The following NCMAP variants were observed in gnomAD, a reference collection of about 807,000 sequenced individuals.
NCMAP encodes noncompact myelin-associated protein.
NCMAP carries 8 observed loss-of-function variants against 7.8 expected under a neutral mutation model. That is an observed-to-expected ratio of 1.02 (90% CI 0.60 to 1.84). The LOEUF (loss-of-function observed/expected upper bound fraction) is 1.84. NCMAP is among the 40% of genes most tolerant of loss of function. The pLI is 0.00. For missense variants in NCMAP, 112 were observed against 131.4 expected (o/e 0.85, Z 0.72); for synonymous variants, 41 against 52.9 (o/e 0.78, Z 0.98).
chr1:24,607,130 G>A lies in NCMAP; in HGVS notation c.*1383G>A, dbSNP rs998641843. 1.3e-5 allele frequency: 2 copies of A among 151,938 alleles called. No individual in the cohort carries two copies. Among genetic ancestry groups the A allele is most frequent in the Non-Finnish European group, 2.9e-5 (2 of 68,084 alleles). The allele number at this position is 151,938 out of a possible 1,614,324, so 9.4% of individuals were successfully genotyped here. On this transcript the variant is annotated 3_prime_UTR_variant, in exon 4 of 4. Coordinates refer to ENST00000374392, the MANE Select transcript of NCMAP (RefSeq NM_001010980.5). ...CCTCCTCAGCCTCCAGAGTAGCTGG[G>A]ACTACAGGTATGTGTCACCTCACCA...
At chr1:24,581,185 T>C (rs1331184225) in intron 1 of NCMAP, among the ~76,000 whole-genome samples, 2 of 151,764 alleles carry the variant, frequency 1.3e-5, no homozygotes, top group African/African-American at 2.4e-5. Flanking sequence ...GGTGCTATTT[T>C]GGCTCACTGC....
chr1:24,593,527 A>G (rs1471374531), intron 1 of NCMAP, among the ~76,000 whole-genome samples: 2 of 152,122 alleles, frequency 1.3e-5, no homozygotes, highest in Non-Finnish European at 1.5e-5. Flanking sequence ...TGAAGAAAAC[A>G]TGACTGTAAA....
At chr1:24,557,140 G>T (rs1312938246) in intron 1 of NCMAP, among the ~76,000 whole-genome samples, 2 of 152,126 alleles carry the variant, frequency 1.3e-5, no homozygotes, top group East Asian at 1.9e-4. Context: ...ATGCCTATTT[G>T]GTTCACCCTT....
chr1:24,572,400 C>A (rs570323567), intron 1 of NCMAP, among the ~76,000 whole-genome samples: 5 of 150,904 alleles, frequency 3.3e-5, no homozygotes, highest in African/African-American at 1.2e-4. Flanking sequence ...CCTGCTCTTT[C>A]CCGAGGCAGT....
chr1:24,563,434 A>C (rs1443725081), intron 1 of NCMAP, among the ~76,000 whole-genome samples: 1 of 152,062 alleles, frequency 6.6e-6, no homozygotes, highest in Non-Finnish European at 1.5e-5. Flanking sequence ...AGGCAGGAGA[A>C]TCACTTGAAC....
chr1:24,603,934 T>C (rs997599158), intron 3 of NCMAP, among the ~76,000 whole-genome samples: 36 of 152,252 alleles, frequency 2.4e-4, no homozygotes, highest in African/African-American at 7.2e-4. Flanking sequence ...GATTTATTTC[T>C]TGCGGTTCTG....
intron 2 of NCMAP, among the ~76,000 whole-genome samples, chr1:24,595,933 G>A (rs1298410540): frequency 7.2e-6 from 1 of 139,648 alleles, no homozygotes; most frequent in Non-Finnish European, 1.5e-5. Flanking sequence ...AATCCAGGTT[G>A]ACAGTTTAGC....
At chr1:24,597,437 G>C (rs946133000) in intron 2 of NCMAP, among the ~76,000 whole-genome samples, 4 of 146,512 alleles carry the variant, frequency 2.7e-5, no homozygotes, top group African/African-American at 1.0e-4. Flanking sequence ...CTGGGAAGTG[G>C]AGGTTGCAGT....
At chr1:24,580,701 C>T (rs550787814) in intron 1 of NCMAP, among the ~76,000 whole-genome samples, 3 of 152,320 alleles carry the variant, frequency 2.0e-5, no homozygotes, top group South Asian at 2.1e-4. Flanking sequence ...TCAGGTGATC[C>T]GCCCGTCTCA....
intron 1 of NCMAP, among the ~76,000 whole-genome samples, chr1:24,565,684 C>T (rs561508339): frequency 9.6e-4 from 146 of 151,696 alleles, no homozygotes; most frequent in Non-Finnish European, 1.9e-3. Flanking sequence ...CTGCAGCCTC[C>T]ACCTCCTGGC....
At position 24,576,152 on chromosome 1, in the gene NCMAP, C is replaced by T. The variant is rs867169781; in HGVS notation, c.-7-19272C>T. The stretch of plus-strand genomic sequence containing the variant: ...ACAGATGGCTCCCCTGCCTGTCCCC[C>T]GACCTGCCTTTCTTGGTCCAGTTTC... On this transcript the variant is annotated intron_variant, in intron 1 of 3. Transcript: ENST00000374392. This position sits in a 1 kb window ranked among gnomAD's most constrained non-coding sequence, Gnocchi z 4.0. 2.6e-5 allele frequency among the ~76,000 whole-genome samples: 4 copies of T among 152,122 alleles called. No homozygotes were observed. The highest frequency in any genetic ancestry group is 6.6e-5 in the Admixed American group (1 of 15,266).
intron 1 of NCMAP, 144 bp from the exon 2 acceptor site, chr1:24,595,280 T>C: frequency 1.7e-6 from 1 of 581,280 alleles, no homozygotes; most frequent in Non-Finnish European, 3.0e-6. Flanking sequence ...TATCTAATAA[T>C]GGGTTTTGCA....
chr1:24,561,682 G>C (rs562512847), intron 1 of NCMAP, among the ~76,000 whole-genome samples: 2 of 152,072 alleles, frequency 1.3e-5, no homozygotes, highest in Admixed American at 6.5e-5. Flanking sequence ...AGACTGAGGC[G>C]GGCAGATCTC....
chr1:24,566,441 A>G (rs1343378816), intron 1 of NCMAP, among the ~76,000 whole-genome samples: 19 of 152,294 alleles, frequency 1.2e-4, no homozygotes, highest in Admixed American at 8.5e-4. Context: ...GGAAACTGCA[A>G]TTTGCATAGC....
Position 24,564,523 on chromosome 1 carries a change from A to AC in NCMAP, c.-8+8354_-8+8355insC, listed in dbSNP as rs1352533277. On this transcript the variant is annotated intron_variant, in intron 1 of 3. Transcript: ENST00000374392. The stretch of plus-strand genomic sequence containing the variant: ...AGTGAGATTCTGTCTCAAAAAAAAA[A>AC]AAAAAAAAACAAAAAAAAACCTGAG... Among the ~76,000 whole-genome samples, 7 of 148,542 alleles carry AC rather than the reference A, an allele frequency of 4.7e-5. 1 individual carries two copies. The highest frequency in any genetic ancestry group is 1.0e-4 in the Non-Finnish European group (7 of 67,290).
intron 2 of NCMAP, among the ~76,000 whole-genome samples, chr1:24,600,408 C>T (rs1045284290): frequency 1.3e-5 from 2 of 152,148 alleles, no homozygotes; most frequent in African/African-American, 4.8e-5. Flanking sequence ...CCCACCCCAT[C>T]CTCTCAAAGT....
rs569500237 is a variant in NCMAP, at chr1:24,608,070, T to G, written c.*2323T>G. The stretch of plus-strand genomic sequence containing the variant: ...AAGTGTCAAGGACTTTGTAAGATGC[T>G]TTCACATAAATTATCTCATAGGATT... On this transcript the variant is annotated 3_prime_UTR_variant, in exon 4 of 4. Transcript: ENST00000374392. The G allele has an allele frequency of 2.6e-5, 4 of 152,328 alleles. No homozygotes were observed. In the South Asian group the frequency reaches 8.3e-4, roughly 32 times the overall value. The allele number at this position is 152,328 out of a possible 1,614,324, so 9.4% of individuals were successfully genotyped here.
Position 24,570,789 on chromosome 1 carries a change from GCCCT to G in NCMAP, c.-8+14621_-8+14624del, listed in dbSNP as rs1476035947. On this transcript the variant is annotated intron_variant, in intron 1 of 3. Transcript: ENST00000374392. The stretch of plus-strand genomic sequence containing the variant: ...CATGGGGGGAAGGTACATGCCAGGT[GCCCT>G]GTGCCCGATCCTTGCTCAGTGCCAC... 2.7e-5 allele frequency among the ~76,000 whole-genome samples: 4 copies of G among 150,938 alleles called. 1 individual carries two copies. The highest frequency in any genetic ancestry group is 9.9e-5 in the African/African-American group (4 of 40,222).
At chr1:24,566,028 T>G (rs1446368683) in intron 1 of NCMAP, among the ~76,000 whole-genome samples, 1 of 152,178 alleles carries the variant, frequency 6.6e-6, no homozygotes, top group Admixed American at 6.5e-5. Context: ...TGCCACCTTG[T>G]GAAGAAGTTA....
Sources: gnomAD v4.1 joint callset for allele counts (sites outside exome capture counted in the v4.1 genomes callset) on GRCh38, gnomAD v4.1.1 for gene constraint, Gnocchi (gnomAD v3.1) non-coding constraint, MANE v1.5 for transcripts, NCBI Gene and HGNC (gene_info 2026-07-23, HGNC 2026-07-21) for gene names.